The following LRRC47 variants were observed in gnomAD, a reference collection of about 807,000 sequenced individuals.
LRRC47 encodes the protein leucine-rich repeat-containing protein 47.
Under a neutral mutation model 40.9 loss-of-function variants are expected in LRRC47, and 31 were observed. The observed-to-expected ratio is 0.76, with a 90% CI of 0.57 to 1.02. The LOEUF is 1.02. Among genes scored for constraint, LRRC47 ranks in the 50% least tolerant of loss-of-function variants. The pLI is 0.00. For missense variants in LRRC47, 726 were observed against 796.1 expected (o/e 0.91, Z 1.06); for synonymous variants, 427 against 371.9 (o/e 1.15, Z -1.70).
chr1:3,786,737 G>T, intron 2 of LRRC47, 112 bp downstream of exon 2: 3 of 1,001,140 alleles, frequency 3.0e-6, no homozygotes, highest in Non-Finnish European at 4.3e-6. Context: ...CACCCGGCTG[G>T]GCCCCATACT....
intron 2 of LRRC47, among the ~76,000 whole-genome samples, chr1:3,786,070 ATGT>A (rs1428230679): frequency 6.6e-6 from 1 of 151,846 alleles, no homozygotes; most frequent in East Asian, 2.0e-4. Context: ...GGGTTTCGTC[ATGT>A]TGTCCAGGCT....
rs1643495487 is a variant in LRRC47 at position 3,779,243 on chromosome 1, C to G, written c.*1845G>C. The G allele has an allele frequency of 6.6e-6, 1 of 152,282 alleles. No homozygotes were observed. Among genetic ancestry groups the G allele is most frequent in the South Asian group, 2.1e-4 (1 of 4,834 alleles). The allele number at this position is 152,282 out of a possible 1,614,324, so 9.4% of individuals were successfully genotyped here. A position where few individuals can be genotyped will look rare whatever the true frequency, so the allele number is the denominator to read the frequency against. On this transcript the variant is annotated 3_prime_UTR_variant, in exon 7 of 7. Coordinates refer to ENST00000378251, the MANE Select transcript of LRRC47 (RefSeq NM_020710.3). ...CCCAGCTGTTAGTCTGCCCACTGCA[C>G]AGGGCCCCGGGCCTCTCAGGTTGAC...
chr1:3,783,400 A>G (rs1643540194), intron 4 of LRRC47, among the ~76,000 whole-genome samples: 2 of 147,136 alleles, frequency 1.4e-5, no homozygotes, highest in South Asian at 2.2e-4. Context: ...AGCCTGGGCG[A>G]CAAGAGTGAG....
At chr1:3,788,988 T>C (rs1204165103) in intron 1 of LRRC47, among the ~76,000 whole-genome samples, 1 of 152,200 alleles carries the variant, frequency 6.6e-6, no homozygotes, top group East Asian at 1.9e-4. Flanking sequence ...GCCACAATTC[T>C]GTGCTTCTCA....
chr1:3,789,446 C>A (rs773869074), intron 1 of LRRC47, among the ~76,000 whole-genome samples: 1 of 152,284 alleles, frequency 6.6e-6, no homozygotes, highest in South Asian at 2.1e-4. Flanking sequence ...CGTCTCCCTC[C>A]GCTGACAAAG....
intron 1 of LRRC47, among the ~76,000 whole-genome samples, chr1:3,794,988 A>G (rs1208240330): frequency 7.3e-6 from 1 of 136,158 alleles, no homozygotes; most frequent in East Asian, 2.3e-4. Context: ...CGGGAGGCGG[A>G]GGTTGAAGTG....
In LRRC47 at chr1:3,781,345, A is replaced by G. The variant is rs1431916542; in HGVS notation, c.1504-9T>C. The G allele has an allele frequency of 1.2e-6, 2 of 1,610,780 alleles. No homozygotes were observed. On this transcript the variant is annotated splice_polypyrimidine_tract_variant and intron_variant, in intron 6 of 6. Transcript: ENST00000378251. ...TTCATTTCTGCCATTTTCTGCAAATAAAAAATACCTTTTTAACCTGGAGAT... is the reference window on the plus strand; with the variant it reads ...TTCATTTCTGCCATTTTCTGCAAATGAAAAATACCTTTTTAACCTGGAGAT...
chr1:3,783,887 G>C lies in LRRC47; in HGVS notation c.1310+109C>G, dbSNP rs893013843. The C allele has an allele frequency of 1.4e-5, 11 of 814,072 alleles. No homozygotes were observed. In the East Asian group the frequency reaches 3.0e-4, roughly 22 times the overall value. 50.4% of individuals were successfully genotyped at this position (814,072 alleles called of 1,614,324 possible). On this transcript the variant is annotated intron_variant, in intron 4 of 6. Coordinates refer to ENST00000378251, the MANE Select transcript of LRRC47 (RefSeq NM_020710.3). Reference sequence around the variant, plus strand: ...CTTTGTACCCTGTTAAGAAGCTTCTGGGTTCTGGTAGCATTAGGCGGTTCC... The same window carrying C: ...CTTTGTACCCTGTTAAGAAGCTTCTCGGTTCTGGTAGCATTAGGCGGTTCC...
intron 1 of LRRC47, among the ~76,000 whole-genome samples, chr1:3,791,118 C>T (rs1341775674): frequency 3.9e-5 from 6 of 152,156 alleles, no homozygotes; most frequent in African/African-American, 1.4e-4. Flanking sequence ...GAAGCCCACC[C>T]ACCCCGGCAG....
At chr1:3,794,597 C>G (rs577131073) in intron 1 of LRRC47, among the ~76,000 whole-genome samples, 3 of 152,126 alleles carry the variant, frequency 2.0e-5, no homozygotes, top group African/African-American at 7.2e-5. Context: ...GCCTCAGCTT[C>G]CCAAAGTGCT....
rs780142547 is a variant in LRRC47 at position 3,796,065 on chromosome 1, C to A, written c.412G>T (p.Gly138Cys). 1.7e-5 allele frequency: 26 copies of A among 1,537,058 alleles called. No individual in the cohort carries two copies. The highest frequency in any genetic ancestry group is 4.8e-5 in the South Asian group (4 of 83,462). Reference protein sequence around the residue: ...LPQLQSLNLSGNRLRELPADL... With the variant: ...LPQLQSLNLSCNRLRELPADL... Reference sequence around the variant, plus strand: ...GCTGGCAGCTCGCGCAGCCGGTTGCCGCTGAGGTTGAGGCTCTGCAGCTGC... The same window carrying A: ...GCTGGCAGCTCGCGCAGCCGGTTGCAGCTGAGGTTGAGGCTCTGCAGCTGC... The change falls in exon 1 of 7, where the codon GGC (glycine) becomes TGC (cysteine). Residue 138 changes from glycine to cysteine, a missense_variant. Coordinates refer to ENST00000378251, the MANE Select transcript of LRRC47 (RefSeq NM_020710.3).
rs1418902860 is a variant in LRRC47 at position 3,796,466 on chromosome 1, G to A, written c.11C>T (p.Ala4Val). Residue 4 changes from alanine to valine, a missense_variant, in exon 1 of 7, where the codon GCA becomes GTA. Coordinates refer to ENST00000378251, the MANE Select transcript of LRRC47 (RefSeq NM_020710.3). MAAAAVSESWPELE... is the reference protein window; with the variant it reads MAAVAVSESWPELE... ...CTCCGGCCAAGACTCTGACACCGCT[G>A]CCGCCGCCATGGCGCCTCAGCTGCT... is the stretch of plus-strand genomic sequence containing the variant. 3.3e-6 allele frequency: 5 copies of A among 1,508,766 alleles called. No individual in the cohort carries two copies. Among genetic ancestry groups the A allele is most frequent in the South Asian group, 1.2e-5 (1 of 81,816 alleles). The allele number at this position is 1,508,766 out of a possible 1,614,324, so 93.5% of individuals were successfully genotyped here.
In LRRC47 at chr1:3,796,296, C is replaced by A; in HGVS notation, c.181G>T (p.Gly61Trp). ...LLHYLEVSGC[G>W]SLRAPGPGLA... ...CCAGGCCCCGGCGCGCGCAAGCTCC[C>A]GCAGCCGCTCACTTCCAAGTAGTGC... The change falls in exon 1 of 7, where the codon GGG becomes TGG. Residue 61 changes from glycine (G) to tryptophan (W), a missense_variant. By Grantham distance (184) the Gly-to-Trp change is radical. Coordinates refer to ENST00000378251, the MANE Select transcript of LRRC47 (RefSeq NM_020710.3). The A allele has an allele frequency of 6.7e-7, 1 of 1,485,216 alleles. No individual in the cohort carries two copies. Among genetic ancestry groups the A allele is most frequent in the Non-Finnish European group, 8.9e-7 (1 of 1,126,152 alleles). The allele number at this position is 1,485,216 out of a possible 1,614,324, so 92.0% of individuals were successfully genotyped here.
intron 1 of LRRC47, among the ~76,000 whole-genome samples, chr1:3,795,591 G>A (rs1048266599): frequency 1.3e-5 from 2 of 152,234 alleles, no homozygotes; most frequent in African/African-American, 4.8e-5. Flanking sequence ...ACAAAATAGC[G>A]TACCACGTGT....
At chr1:3,781,838 A>G (rs41315254) in intron 5 of LRRC47, among the ~76,000 whole-genome samples, 15,415 of 152,144 alleles carry the variant, frequency 0.1, 902 homozygotes, top group African/African-American at 0.14. Context: ...AAAATTAGCC[A>G]GGTGTGGTGC....
chr1:3,782,141 G>A (rs1234748992), intron 5 of LRRC47, among the ~76,000 whole-genome samples: 2 of 152,152 alleles, frequency 1.3e-5, no homozygotes, highest in Non-Finnish European at 2.9e-5. Context: ...CCTCTGGGCT[G>A]CGTTTTCTAT....
chr1:3,788,389 G>A (rs1643597022), intron 1 of LRRC47, among the ~76,000 whole-genome samples: 1 of 152,208 alleles, frequency 6.6e-6, no homozygotes, highest in Non-Finnish European at 1.5e-5. Flanking sequence ...CCAGAGAGGA[G>A]GCAACAGCAT....
At chr1:3,782,322 G>A (rs1188048294) in intron 5 of LRRC47, among the ~76,000 whole-genome samples, 1 of 151,894 alleles carries the variant, frequency 6.6e-6, no homozygotes, top group Non-Finnish European at 1.5e-5. Context: ...GGGTTCAAGC[G>A]ATTCTCCTGC....
rs376377211 is a variant in LRRC47, at chr1:3,781,429, C to T, written c.1503+83G>A. 1.8e-4 allele frequency: 280 copies of T among 1,572,196 alleles called. No individual in the cohort carries two copies. The East Asian group carries it at 5.9e-3, about 33-fold the overall frequency. ...GCCAACACAGTAAGCAAAAAAGAGG[C>T]AAGCAGGACGGGTGGGAAGTCAAGG... On this transcript the variant is annotated intron_variant, in intron 6 of 6. Coordinates refer to ENST00000378251, the MANE Select transcript of LRRC47 (RefSeq NM_020710.3).
Sources: allele counts gnomAD v4.1 joint callset (sites outside exome capture counted in the v4.1 genomes callset), GRCh38; gene constraint gnomAD v4.1.1; transcripts MANE v1.5; gene names NCBI Gene and HGNC (gene_info 2026-07-23, HGNC 2026-07-21).